TGM2: variants seen among roughly 807,000 people sequenced by gnomAD.
The protein encoded by TGM2 is protein-glutamine gamma-glutamyltransferase 2.
TGM2 carries 53 observed loss-of-function variants against 75.6 expected under a neutral mutation model. The ratio of observed to expected loss-of-function variants is 0.70; its 90% CI spans 0.56 to 0.88. The LOEUF is 0.88. Ranked by LOEUF, TGM2 falls within the 40% of genes least tolerant of loss-of-function variation. The probability of loss-of-function intolerance (pLI) is 0.00; values close to 1 mark genes in which losing one functional copy is unlikely to be tolerated. For missense variants in TGM2, 842 were observed against 928.5 expected (o/e 0.91, Z 1.21); for synonymous variants, 374 against 381.1 (o/e 0.98, Z 0.22).
chr20:38,164,716 T>C (rs2075292090), intron 1 of TGM2, among the ~76,000 whole-genome samples: 1 of 152,148 alleles, frequency 6.6e-6, no homozygotes, highest in Non-Finnish European at 1.5e-5. Context: ...GGCTCCTGGA[T>C]AGGATGCCGA....
intron 2 of TGM2, among the ~76,000 whole-genome samples, chr20:38,157,724 A>C (rs2284881): frequency 0.2 from 30,356 of 152,114 alleles, 3,775 homozygotes; most frequent in East Asian, 0.48. Flanking sequence ...CTCAGGAAAC[A>C]ATAGTTAGTC....
chr20:38,150,738 G>T (rs1025176833), intron 4 of TGM2, among the ~76,000 whole-genome samples: 1 of 152,246 alleles, frequency 6.6e-6, no homozygotes, highest in Non-Finnish European at 1.5e-5. Flanking sequence ...ATCCAAGGCT[G>T]CCGCCTTTGC....
At chr20:38,140,651 C>G (rs1353962854) in intron 8 of TGM2, among the ~76,000 whole-genome samples, 1 of 152,164 alleles carries the variant, frequency 6.6e-6, no homozygotes, top group Non-Finnish European at 1.5e-5. Context: ...AATTTATGCT[C>G]ATAAATTATC....
In TGM2 at chr20:38,150,959, T is replaced by A. The variant is rs528756657; in HGVS notation, c.532A>T (p.Ile178Leu). The A allele has an allele frequency of 6.2e-7, 1 of 1,614,138 alleles. No homozygotes were observed. Among genetic ancestry groups the A allele is most frequent in the African/African-American group, 1.3e-5 (1 of 75,054 alleles). ...CTTACCTGCCCAAAATTCCAAGGTA[T>A]GTTCTTGATGAACTTGGCCGAGCCC... is the stretch of plus-strand genomic sequence containing the variant. Reference protein sequence around the residue: ...YQGSAKFIKNIPWNFGQFEDG... With the variant: ...YQGSAKFIKNLPWNFGQFEDG... Residue 178 changes from isoleucine (I) to leucine (L), a missense_variant, in exon 4 of 13, where the codon ATA becomes TTA. Coordinates refer to ENST00000361475, the MANE Select transcript of TGM2 (RefSeq NM_004613.4).
chr20:38,138,335 GT>G lies in TGM2; in HGVS notation c.1392del (p.Lys464AsnfsTer20). 3 of 1,614,192 alleles carry G rather than the reference GT, an allele frequency of 1.9e-6. No individual in the cohort carries two copies. The highest frequency in any genetic ancestry group is 2.5e-6 in the Non-Finnish European group (3 of 1,180,042). On this transcript the variant is annotated frameshift_variant, in exon 10 of 13. Coordinates refer to ENST00000361475, the MANE Select transcript of TGM2 (RefSeq NM_004613.4). LOFTEE classifies it high-confidence loss of function. ...EAFTRANHLN[K>X]LAEKEETGMA... ...ATCCCTGTCTCCTCCTTCTCGGCCA[GT>G]TTGTTCAGGTGGTTCGCCCTTGTGA...
chr20:38,151,198 C>T (rs2075112642), intron 3 of TGM2, 141 bp from the exon 4 acceptor site: 1 of 705,226 alleles, frequency 1.4e-6, no homozygotes, highest in South Asian at 1.5e-5. Context: ...AAAAAGTAAC[C>T]ATTAATGAAT....
chr20:38,147,943 G>A lies in TGM2; in HGVS notation c.681+18C>T. 1 of 1,605,000 alleles carries A rather than the reference G, an allele frequency of 6.2e-7. No homozygotes were observed. Among genetic ancestry groups the A allele is most frequent in the Non-Finnish European group, 8.5e-7 (1 of 1,176,760 alleles). On this transcript the variant is annotated intron_variant, in intron 5 of 12. Transcript: ENST00000361475. ...CCCTGTAGGCCCCGCCCCTGGATGG[G>A]CCATGCCACTCACTCACCATGCCAC...
In TGM2 at chr20:38,139,625, G is replaced by A. The variant is rs1012690368; in HGVS notation, c.1129C>T (p.Arg377Cys). The change falls in exon 9 of 13, where the codon CGT becomes TGT. Residue 377 changes from arginine (R) to cysteine (C), a missense_variant. Coordinates refer to ENST00000361475, the MANE Select transcript of TGM2 (RefSeq NM_004613.4). Reference sequence around the variant, plus strand: ...CTCAGGTCGCCCTCCTTGATGGCACGAACTGGAACTGGGCCACAGCAGTAC... The same window carrying A: ...CTCAGGTCGCCCTCCTTGATGGCACAAACTGGAACTGGGCCACAGCAGTAC... ...GTYCCGPVPV[R>C]AIKEGDLSTK... The A allele has an allele frequency of 5.6e-6, 9 of 1,614,030 alleles. No individual in the cohort carries two copies. Among genetic ancestry groups the A allele is most frequent in the African/African-American group, 4.0e-5 (3 of 74,916 alleles).
At position 38,155,978 on chromosome 20, in the gene TGM2, G is replaced by C. The variant is rs540320021; in HGVS notation, c.302C>G (p.Ser101Trp). 3.1e-6 allele frequency: 5 copies of C among 1,613,462 alleles called. No individual in the cohort carries two copies. The South Asian group carries it at 5.5e-5, about 18-fold the overall frequency. Reference sequence around the variant, plus strand: ...GTTGGCCGGGGTGGTGAGCTGCAGCGAGAGGGTGCAGTCTTGCTGGTCCAC... The same window carrying C: ...GTTGGCCGGGGTGGTGAGCTGCAGCCAGAGGGTGCAGTCTTGCTGGTCCAC... The part of the protein sequence containing the change: ...TVVDQQDCTL[S>W]LQLTTPANAP... The change falls in exon 3 of 13, where the codon TCG becomes TGG. Residue 101 changes from serine (S) to tryptophan (W), a missense_variant. Ser to Trp is a radical substitution (Grantham distance 177). Transcript: ENST00000361475.
intron 3 of TGM2, 87 bp downstream of exon 3, chr20:38,155,760 C>G: frequency 6.6e-7 from 1 of 1,506,150 alleles, no homozygotes; most frequent in Non-Finnish European, 8.9e-7. Context: ...CTCTTATCCC[C>G]TGTTCTTCTC....
rs2074979898 is a variant in TGM2 at position 38,141,955 on chromosome 20, A to G, written c.995+109T>C. 6.5e-6 allele frequency: 9 copies of G among 1,394,584 alleles called. No homozygotes were observed. The Admixed American group carries it at 1.6e-4, about 24-fold the overall frequency. The allele number at this position is 1,394,584 out of a possible 1,614,324, so 86.4% of individuals were successfully genotyped here. On this transcript the variant is annotated intron_variant, in intron 7 of 12. Transcript: ENST00000361475. ...CCCAAGCCTGCTCAAATACTGCTGA[A>G]CTTTTAAGGCCCAATTCAAATGTGA...
chr20:38,146,953 C>T, intron 5 of TGM2, 59 bp from the exon 6 acceptor site: 3 of 1,560,670 alleles, frequency 1.9e-6, no homozygotes, highest in South Asian at 2.3e-5. Flanking sequence ...GCTGTGCCGC[C>T]TGGGTGAGCC....
At chr20:38,167,214 C>T (rs1228881588), upstream of TGM2, among the ~76,000 whole-genome samples, 1 of 152,172 alleles carries the variant, frequency 6.6e-6, no homozygotes, top group Non-Finnish European at 1.5e-5. Flanking sequence ...TTCTGCAGAA[C>T]AAAGGCTGTG....
intron 3 of TGM2, among the ~76,000 whole-genome samples, chr20:38,153,533 G>GAAAAAAAAAA (rs542368902): frequency 3.4e-5 from 3 of 87,444 alleles, no homozygotes; most frequent in East Asian, 4.3e-4. Context: ...TCAAAAAAAA[G>GAAAAAAAAAA]AAAAAAAAAA....
chr20:38,134,476 G>C (rs1159117861), intron 10 of TGM2, among the ~76,000 whole-genome samples: 1 of 152,248 alleles, frequency 6.6e-6, no homozygotes, highest in Non-Finnish European at 1.5e-5. Flanking sequence ...ACTATTCTAG[G>C]AGGTGGAGGC....
At chr20:38,165,969 G>A (rs1013854208), upstream of TGM2, among the ~76,000 whole-genome samples, 1 of 146,314 alleles carries the variant, frequency 6.8e-6, no homozygotes, top group Non-Finnish European at 1.5e-5. Context: ...GGTGTCCAGA[G>A]GCACCTGGCA....
At chr20:38,146,459 C>G (rs941637697) in intron 6 of TGM2, 5 of 556,476 alleles carry the variant, frequency 9.0e-6, no homozygotes, top group Admixed American at 6.5e-5. Context: ...TTTTTGAGAA[C>G]GTGGGCTCCA....
chr20:38,154,962 C>G (rs1419380228), intron 3 of TGM2, among the ~76,000 whole-genome samples: 1 of 152,192 alleles, frequency 6.6e-6, no homozygotes, highest in Non-Finnish European at 1.5e-5. Context: ...AAAAATTAGC[C>G]AGGCGTGGTG....
At chr20:38,151,624 G>C (rs2075116339) in intron 3 of TGM2, among the ~76,000 whole-genome samples, 1 of 152,226 alleles carries the variant, frequency 6.6e-6, no homozygotes, top group Non-Finnish European at 1.5e-5. Flanking sequence ...AAGGCAGAGA[G>C]AACTCAGTAG....
Sources: gnomAD v4.1 joint callset for allele counts (sites outside exome capture counted in the v4.1 genomes callset) on GRCh38, gnomAD v4.1.1 for gene constraint, MANE v1.5 for transcripts, NCBI Gene and HGNC (gene_info 2026-07-23, HGNC 2026-07-21) for gene names.